LHFPL3: variants seen among roughly 807,000 people sequenced by gnomAD.
LHFPL3 encodes the protein LHFPL tetraspan subfamily member 3.
A neutral mutation model predicts 19.3 loss-of-function variants in LHFPL3; 5 were observed. That is an observed-to-expected ratio of 0.26 (90% CI 0.14 to 0.54). The LOEUF is 0.54. LHFPL3 is among the 20% of genes least tolerant of loss of function. LHFPL3 has a pLI of 0.94. For synonymous variants in LHFPL3, 133 were observed against 126.2 expected (o/e 1.05, Z -0.36); for missense variants, 249 against 307.4 (o/e 0.81, Z 1.42).
At chr7:104,576,638 T>G (rs1790344131) in intron 1 of LHFPL3, among the ~76,000 whole-genome samples, 1 of 151,932 alleles carries the variant, frequency 6.6e-6, no homozygotes, top group African/African-American at 2.4e-5. Flanking sequence ...AGAGTTGGGT[T>G]TTTTTGTTTG....
intron 1 of LHFPL3, among the ~76,000 whole-genome samples, chr7:104,374,206 ATATG>A (rs1029774394): frequency 2.3e-4 from 19 of 81,194 alleles, no homozygotes; most frequent in East Asian, 5.3e-4. Context: ...ATCTATCTAT[ATATG>A]TGTGTGTGTG....
intron 1 of LHFPL3, among the ~76,000 whole-genome samples, chr7:104,345,963 TCTTA>T (rs1048908917): frequency 1.3e-5 from 2 of 152,186 alleles, no homozygotes; most frequent in Admixed American, 6.5e-5. Flanking sequence ...TTGTCTTTTT[TCTTA>T]CTTCTAATAT....
At chr7:104,671,529 T>C (rs755892372) in intron 1 of LHFPL3, among the ~76,000 whole-genome samples, 13 of 148,640 alleles carry the variant, frequency 8.7e-5, no homozygotes, top group South Asian at 4.3e-4. Flanking sequence ...CTTTGGGTTG[T>C]GGGTTTTTTG....
intron 2 of LHFPL3, among the ~76,000 whole-genome samples, chr7:104,829,325 C>T (rs1790888401): frequency 6.7e-6 from 1 of 148,314 alleles, no homozygotes; most frequent in African/African-American, 2.5e-5. Flanking sequence ...GTCATAGCTG[C>T]TTTTTTTTTT....
chr7:104,830,204 T>G lies in LHFPL3; in HGVS notation c.683-75983T>G, dbSNP rs550347903. Among the ~76,000 whole-genome samples the G allele has an allele frequency of 2.4e-3, 363 of 152,108 alleles. 10 individuals carry two copies. The highest frequency in any genetic ancestry group is 7.9e-3 in the African/African-American group (328 of 41,336). On this transcript the variant is annotated intron_variant, in intron 2 of 2. Coordinates refer to ENST00000424859, the MANE Select transcript of LHFPL3 (RefSeq NM_199000.3). ...TTTGTTTTTTTCTTGTAAATTTGTT[T>G]GAGTTCATTGTAGATTCTGGATATT...
chr7:104,455,367 A>T (rs925363842), intron 1 of LHFPL3, among the ~76,000 whole-genome samples: 16 of 146,850 alleles, frequency 1.1e-4, no homozygotes, highest in Non-Finnish European at 2.1e-4. Context: ...CTTCTAAAAA[A>T]CAGAATCTAA....
Position 104,776,766 on chromosome 7 carries a change from C to CACGCA in LHFPL3, c.682+39856_682+39860dup, listed in dbSNP as rs555367479. 1.5e-4 allele frequency among the ~76,000 whole-genome samples: 23 copies of CACGCA among 152,342 alleles called. No individual in the cohort carries two copies. In the East Asian group the frequency reaches 4.1e-3, roughly 27 times the overall value. ...CTGTATTTGGTTTCCTATTTTACAA[C>CACGCA]ACGCAGGATGTGAGGATTCAGATTG... On this transcript the variant is annotated intron_variant, in intron 2 of 2. Coordinates refer to ENST00000424859, the MANE Select transcript of LHFPL3 (RefSeq NM_199000.3).
At chr7:104,655,465 G>A (rs187616583) in intron 1 of LHFPL3, among the ~76,000 whole-genome samples, 10 of 152,218 alleles carry the variant, frequency 6.6e-5, no homozygotes, top group Non-Finnish European at 1.3e-4. Flanking sequence ...TGGTATGGAC[G>A]TTGGAGTAAC....
At chr7:104,492,527 CCTAA>C (rs1793378622) in intron 1 of LHFPL3, among the ~76,000 whole-genome samples, 2 of 152,230 alleles carry the variant, frequency 1.3e-5, no homozygotes, top group Admixed American at 6.5e-5. Context: ...CCTGGCACAT[CCTAA>C]CTATTTTGAT....
chr7:104,642,222 G>C (rs1791850351), intron 1 of LHFPL3, among the ~76,000 whole-genome samples: 1 of 151,812 alleles, frequency 6.6e-6, no homozygotes, highest in East Asian at 1.9e-4. Context: ...GTTTTTAGTA[G>C]AGACAGGGTT....
At chr7:104,796,839 C>T (rs995366650) in intron 2 of LHFPL3, 1 of 152,674 alleles carries the variant, frequency 6.5e-6, no homozygotes, top group Non-Finnish European at 1.5e-5. Flanking sequence ...CTCTACCATG[C>T]ATGGTGTCTG....
intron 1 of LHFPL3, among the ~76,000 whole-genome samples, chr7:104,588,433 G>A (rs1254008685): frequency 7.2e-5 from 11 of 152,188 alleles, no homozygotes; most frequent in Non-Finnish European, 1.5e-4. Flanking sequence ...TTGTAGATGT[G>A]TGGTATTATT....
intron 1 of LHFPL3, among the ~76,000 whole-genome samples, chr7:104,403,889 G>T (rs1012093500): frequency 1.3e-5 from 2 of 152,190 alleles, no homozygotes; most frequent in African/African-American, 2.4e-5. Context: ...CATTACCTAA[G>T]AAGGAGTGTT....
intron 2 of LHFPL3, among the ~76,000 whole-genome samples, chr7:104,783,189 G>A (rs1163897431): frequency 6.6e-6 from 1 of 152,238 alleles, no homozygotes; most frequent in Non-Finnish European, 1.5e-5. Context: ...GCACATTGAA[G>A]TCAGAATCAC....
intron 1 of LHFPL3, among the ~76,000 whole-genome samples, chr7:104,640,712 G>A (rs1207098190): frequency 6.6e-6 from 1 of 152,136 alleles, no homozygotes; most frequent in East Asian, 1.9e-4. Flanking sequence ...GTATCTCATT[G>A]TGGTTTTGAT....
At chr7:104,603,166 TCTTTCTTTCTTTCTTTCTTC>T (rs1791019175) in intron 1 of LHFPL3, among the ~76,000 whole-genome samples, 1 of 16,428 alleles carries the variant, frequency 6.1e-5, no homozygotes, top group African/African-American at 7.5e-5. Flanking sequence ...TTCCTTCCTT[TCTTTCTTTCTTTCTTTCTTC>T]CTTTCTTTCT....
intron 1 of LHFPL3, among the ~76,000 whole-genome samples, chr7:104,628,227 A>G (rs1425368576): frequency 6.6e-6 from 1 of 152,168 alleles, no homozygotes; most frequent in African/African-American, 2.4e-5. Flanking sequence ...TGGATATGGA[A>G]TTTAATTAGA....
intron 1 of LHFPL3, among the ~76,000 whole-genome samples, chr7:104,557,848 T>A (rs1322997852): frequency 6.8e-6 from 1 of 147,074 alleles, no homozygotes; most frequent in Non-Finnish European, 1.5e-5. Flanking sequence ...CCCACCACAG[T>A]CCCCAGAGTG....
chr7:104,572,601 T>A (rs759176856), intron 1 of LHFPL3, among the ~76,000 whole-genome samples: 2 of 152,166 alleles, frequency 1.3e-5, no homozygotes, highest in Non-Finnish European at 2.9e-5. Flanking sequence ...AAAAATGCAA[T>A]CTACTGTGTT....
Sources: allele counts gnomAD v4.1 joint callset (sites outside exome capture counted in the v4.1 genomes callset), GRCh38; gene constraint gnomAD v4.1.1; transcripts MANE v1.5; gene names NCBI Gene and HGNC (gene_info 2026-07-23, HGNC 2026-07-21).